Variants in ARID1B observed in about 807,000 individuals in gnomAD.
ARID1B encodes the protein AT-rich interaction domain 1B, also known as AT-rich interactive domain-containing protein 1B.
In ARID1B, 30 loss-of-function variants were observed where a neutral mutation model predicts 212.3. The observed-to-expected ratio is 0.14, with a 90% CI of 0.11 to 0.19. ARID1B has a LOEUF of 0.19. Ranked by LOEUF, ARID1B falls within the 10% of genes least tolerant of loss-of-function variation. The pLI is 1.00. For missense variants in ARID1B, 2,891 were observed against 3,204.0 expected, an observed-to-expected ratio of 0.90 and a Z score of 2.36; for synonymous variants, 1,402 against 1,301.7, an observed-to-expected ratio of 1.08 and a Z score of -1.66.
intron 6 of ARID1B, among the ~76,000 whole-genome samples, chr6:157,122,038 A>T (rs909474817): frequency 6.6e-6 from 1 of 152,226 alleles, no homozygotes; most frequent in Non-Finnish European, 1.5e-5. Context: ...TCTAAGAATA[A>T]CACAGGGACA....
Position 157,163,792 on chromosome 6 carries a change from C to G in ARID1B, c.3090-3248C>G, listed in dbSNP as rs146266709. 6.3e-3 allele frequency among the ~76,000 whole-genome samples: 963 copies of G among 152,348 alleles called. 13 individuals carry two copies. Among genetic ancestry groups the G allele is most frequent in the African/African-American group, 0.022 (924 of 41,570 alleles). ...TACAACCGCAGGGCCATACACCAGA[C>G]AGATGGAAAGGCATGGTGCAGCAGG... is the stretch of plus-strand genomic sequence containing the variant. On this transcript the variant is annotated intron_variant, in intron 8 of 19. Coordinates refer to ENST00000636930, the MANE Select transcript of ARID1B (RefSeq NM_001374828.1).
At chr6:157,103,544 A>T (rs565429219) in intron 5 of ARID1B, among the ~76,000 whole-genome samples, 4 of 152,318 alleles carry the variant, frequency 2.6e-5, no homozygotes, top group African/African-American at 9.6e-5. Flanking sequence ...TACATTATAC[A>T]TTACTGGATG....
chr6:156,854,551 A>T (rs1303319512), intron 2 of ARID1B, among the ~76,000 whole-genome samples: 3 of 152,208 alleles, frequency 2.0e-5, no homozygotes, highest in Non-Finnish European at 4.4e-5. Flanking sequence ...CCCAGGGAAC[A>T]TGTTGGGTCA....
intron 1 of ARID1B, among the ~76,000 whole-genome samples, chr6:156,784,240 C>G (rs367651692): frequency 2.6e-5 from 4 of 152,048 alleles, no homozygotes; most frequent in Admixed American, 2.6e-4. Context: ...TAGTGCCGCA[C>G]GCTTGCTGTG....
intron 4 of ARID1B, 47 bp downstream of exon 4, chr6:156,935,623 T>G (rs765141608): frequency 6.1e-6 from 9 of 1,476,430 alleles, no homozygotes; most frequent in Admixed American, 1.7e-5. Flanking sequence ...GTTAAAGACT[T>G]TTAGAAAGAG....
At chr6:157,176,771 G>A (rs779985367) in intron 11 of ARID1B, among the ~76,000 whole-genome samples, 1 of 152,122 alleles carries the variant, frequency 6.6e-6, no homozygotes, top group Non-Finnish European at 1.5e-5. Flanking sequence ...ACTTGAACCC[G>A]AGAGGCGGAG....
chr6:156,830,014 C>T (rs1338677979), intron 2 of ARID1B, among the ~76,000 whole-genome samples: 1 of 152,082 alleles, frequency 6.6e-6, no homozygotes, highest in Non-Finnish European at 1.5e-5. Flanking sequence ...AAGACTTTTC[C>T]TGTTCTTAAG....
rs185860433 is a variant in ARID1B at position 157,109,615 on chromosome 6, T to C, written c.2492-857T>C. ...TTAAACCTCTCAGCCAAAAAGTGAGTTGAGATCATCAGCTACCTCTGATGA... is the reference window on the plus strand; with the variant it reads ...TTAAACCTCTCAGCCAAAAAGTGAGCTGAGATCATCAGCTACCTCTGATGA... On this transcript the variant is annotated intron_variant, in intron 5 of 19. Coordinates refer to ENST00000636930, the MANE Select transcript of ARID1B (RefSeq NM_001374828.1). 1.4e-3 allele frequency among the ~76,000 whole-genome samples: 208 copies of C among 152,304 alleles called. 7 individuals are homozygous for C. The highest frequency in any genetic ancestry group is 0.014 in the Admixed American group (208 of 15,294).
At position 156,862,352 on chromosome 6, in the gene ARID1B, A is replaced by AGGCCACACTGT. The variant is rs552009449; in HGVS notation, c.1986+32935_1986+32936insACACTGTGGCC. On this transcript the variant is annotated intron_variant, in intron 2 of 19. Coordinates refer to ENST00000636930, the MANE Select transcript of ARID1B (RefSeq NM_001374828.1). The stretch of plus-strand genomic sequence containing the variant: ...AAGCAGGGCTGAGAATCACAATTGT[A>AGGCCACACTGT]GGCCTACAGTGGAAGCCACAGGAAG... 2.8e-4 allele frequency among the ~76,000 whole-genome samples: 43 copies of AGGCCACACTGT among 152,364 alleles called. No individual in the cohort carries two copies. The East Asian group carries it at 8.1e-3, about 29-fold the overall frequency.
chr6:157,134,200 A>G (rs1039180814), intron 7 of ARID1B, among the ~76,000 whole-genome samples: 1 of 152,316 alleles, frequency 6.6e-6, no homozygotes, highest in East Asian at 1.9e-4. Context: ...GGCCAGGCAA[A>G]TAGAAGGTGA....
At chr6:156,837,247 G>A (rs1001443358) in intron 2 of ARID1B, among the ~76,000 whole-genome samples, 1 of 152,180 alleles carries the variant, frequency 6.6e-6, no homozygotes, top group African/African-American at 2.4e-5. Flanking sequence ...TGTCCTTTTT[G>A]ATAAGTAGAA....
rs940447988 is a variant in ARID1B at position 156,778,307 on chromosome 6, G to GCAGCAA, written c.632_633insACAGCA (p.Gln213_Gln214dup). The GCAGCAA allele has an allele frequency of 5.2e-6, 8 of 1,545,172 alleles. No individual in the cohort carries two copies. In the East Asian group the frequency reaches 7.3e-5, roughly 14 times the overall value. On this transcript the variant is annotated inframe_insertion, in exon 1 of 20. Coordinates refer to ENST00000636930, the MANE Select transcript of ARID1B (RefSeq NM_001374828.1). ...AGCAGCAGCAACAGCAGCAGCAGCA[G>GCAGCAA]CAGCAGCAACAGCAACATCCCATTT... is the stretch of plus-strand genomic sequence containing the variant.
chr6:156,877,088 G>T (rs567714293), intron 2 of ARID1B, among the ~76,000 whole-genome samples: 8 of 152,054 alleles, frequency 5.3e-5, no homozygotes, highest in East Asian at 3.9e-4. Context: ...ACTCTCAAAG[G>T]TTCTATGAAT....
chr6:157,179,524 T>C (rs1434760021), intron 11 of ARID1B, among the ~76,000 whole-genome samples: 3 of 152,234 alleles, frequency 2.0e-5, no homozygotes, highest in Non-Finnish European at 4.4e-5. Context: ...TTTAAGCTCT[T>C]ATCTAAAGTG....
At chr6:157,143,472 A>G (rs1013595663) in intron 7 of ARID1B, among the ~76,000 whole-genome samples, 19 of 139,950 alleles carry the variant, frequency 1.4e-4, no homozygotes, top group African/African-American at 5.0e-4. Flanking sequence ...CCCCATGCAC[A>G]CATTTTTAAA....
intron 4 of ARID1B, among the ~76,000 whole-genome samples, chr6:156,993,754 GTCTTGTT>G (rs1426568998): frequency 6.6e-6 from 1 of 152,174 alleles, no homozygotes; most frequent in Non-Finnish European, 1.5e-5. Context: ...AAACAAAACA[GTCTTGTT>G]TCTTTTTGAA....
intron 1 of ARID1B, among the ~76,000 whole-genome samples, chr6:156,816,503 T>C (rs1485970462): frequency 1.3e-5 from 2 of 152,244 alleles, no homozygotes; most frequent in Non-Finnish European, 1.5e-5. Context: ...AAGAACTTAC[T>C]GTCTGATAAA....
intron 5 of ARID1B, among the ~76,000 whole-genome samples, chr6:157,101,764 G>T (rs773275850): frequency 6.6e-6 from 1 of 151,312 alleles, no homozygotes. Context: ...CTTCACTTTT[G>T]CCCAGAGTCA....
chr6:156,972,234 G>A (rs1776979737), intron 4 of ARID1B, among the ~76,000 whole-genome samples: 1 of 152,162 alleles, frequency 6.6e-6, no homozygotes, highest in Admixed American at 6.5e-5. Flanking sequence ...AGTCACAATA[G>A]TCGTTCTCAA....
Sources: allele counts gnomAD v4.1 joint callset (sites outside exome capture counted in the v4.1 genomes callset), GRCh38; gene constraint gnomAD v4.1.1; transcripts MANE v1.5; gene names NCBI Gene and HGNC (gene_info 2026-07-23, HGNC 2026-07-21).